The following KIAA0930 variants were observed in gnomAD, a reference collection of about 807,000 sequenced individuals.
KIAA0930 encodes the protein uncharacterized protein KIAA0930.
KIAA0930 carries 24 observed loss-of-function variants against 43.9 expected under a neutral mutation model. That is an observed-to-expected ratio of 0.55 (90% CI 0.40 to 0.77). KIAA0930 has a LOEUF of 0.77. Among genes scored for constraint, KIAA0930 ranks in the 30% least tolerant of loss-of-function variants. The probability of loss-of-function intolerance (pLI) is 0.00; values close to 1 mark genes in which losing one functional copy is unlikely to be tolerated. For synonymous variants in KIAA0930, 259 were observed against 216.4 expected (o/e 1.20, Z -1.73); for missense variants, 461 against 574.2 (o/e 0.80, Z 2.02).
At chr22:45,202,919 G>A (rs2083602009) in intron 7 of KIAA0930, 71 bp downstream of exon 7, 1 of 1,338,794 alleles carries the variant, frequency 7.5e-7, no homozygotes, top group East Asian at 2.4e-5. Context: ...AGGGGGCCGT[G>A]AGCACGGGGG....
intron 7 of KIAA0930, among the ~76,000 whole-genome samples, chr22:45,201,946 C>A (rs1319915983): frequency 6.6e-6 from 1 of 152,112 alleles, no homozygotes; most frequent in Non-Finnish European, 1.5e-5. Context: ...GCAGCTGCCA[C>A]CTGGGAATCC....
chr22:45,210,353 C>T (rs751644744), intron 2 of KIAA0930, among the ~76,000 whole-genome samples: 4 of 152,160 alleles, frequency 2.6e-5, no homozygotes, highest in Non-Finnish European at 5.9e-5. Context: ...GGAGTCCCTC[C>T]CCCAGAACTG....
At chr22:45,235,565 G>A (rs1385684702) in intron 1 of KIAA0930, among the ~76,000 whole-genome samples, 1 of 102,950 alleles carries the variant, frequency 9.7e-6, no homozygotes, top group Non-Finnish European at 2.5e-5. Flanking sequence ...TGCAGGGAGA[G>A]CTTCCGCATT....
intron 1 of KIAA0930, among the ~76,000 whole-genome samples, chr22:45,231,817 C>T (rs1272379137): frequency 1.3e-5 from 2 of 151,734 alleles, no homozygotes; most frequent in African/African-American, 4.9e-5. Context: ...ATGGTGAAAC[C>T]CCGTCTCTAC....
chr22:45,230,097 T>A lies in KIAA0930; in HGVS notation c.64+10543A>T, dbSNP rs377680983. Among the ~76,000 whole-genome samples the A allele has an allele frequency of 7.2e-5, 11 of 152,104 alleles. 1 individual carries two copies. The East Asian group carries it at 1.5e-3, about 21-fold the overall frequency. ...GGTGACAGTGACAGGAACAGCCACA[T>A]GGGGACATATGGGACAATGCAGGTG... On this transcript the variant is annotated intron_variant, in intron 1 of 9. Transcript: ENST00000336156.
At chr22:45,206,034 G>C in intron 2 of KIAA0930, 122 bp from the exon 3 acceptor site, 1 of 1,504,196 alleles carries the variant, frequency 6.6e-7, no homozygotes, top group Non-Finnish European at 8.9e-7. Flanking sequence ...ACTATTTTTT[G>C]AGACAGGGTC....
chr22:45,202,221 G>C (rs2083594997), intron 7 of KIAA0930, among the ~76,000 whole-genome samples: 1 of 152,262 alleles, frequency 6.6e-6, no homozygotes, highest in African/African-American at 2.4e-5. Flanking sequence ...GCTCTGGGCA[G>C]TCCCTCTGGA....
chr22:45,222,348 C>T (rs981259426), intron 1 of KIAA0930, among the ~76,000 whole-genome samples: 1 of 152,188 alleles, frequency 6.6e-6, no homozygotes, highest in Non-Finnish European at 1.5e-5. Context: ...CAGGGTCCCA[C>T]TCTGTCACCT....
At chr22:45,235,728 T>A (rs955073151) in intron 1 of KIAA0930, among the ~76,000 whole-genome samples, 1 of 152,220 alleles carries the variant, frequency 6.6e-6, no homozygotes, top group African/African-American at 2.4e-5. Context: ...ACCTGCCACG[T>A]CTCATTTACT....
intron 8 of KIAA0930, among the ~76,000 whole-genome samples, chr22:45,198,531 C>A (rs1393140042): frequency 6.6e-6 from 1 of 152,250 alleles, no homozygotes; most frequent in Non-Finnish European, 1.5e-5. Context: ...AGGTGGGACA[C>A]CCCTGCTTCT....
chr22:45,203,286 CG>C, intron 6 of KIAA0930, 102 bp from the exon 7 acceptor site: 5 of 1,222,556 alleles, frequency 4.1e-6, no homozygotes, highest in East Asian at 4.9e-5. Context: ...CCTCAAGGAG[CG>C]GGGGCTGCCC....
chr22:45,206,900 T>C (rs1316135583), intron 2 of KIAA0930, among the ~76,000 whole-genome samples: 3 of 152,100 alleles, frequency 2.0e-5, no homozygotes, highest in Non-Finnish European at 4.4e-5. Flanking sequence ...GATTTCACCA[T>C]GTTGGCCAGG....
At chr22:45,206,104 C>G (rs940206195) in intron 2 of KIAA0930, among the ~76,000 whole-genome samples, 192 bp from the exon 3 acceptor site, 14 of 152,218 alleles carry the variant, frequency 9.2e-5, no homozygotes, top group Admixed American at 2.0e-4. Flanking sequence ...TAGCCTCAAC[C>G]TCCTGGGCTC....
At chr22:45,230,642 C>T (rs970422478) in intron 1 of KIAA0930, among the ~76,000 whole-genome samples, 2 of 147,070 alleles carry the variant, frequency 1.4e-5, no homozygotes, top group East Asian at 2.0e-4. Flanking sequence ...AGTACAGTGG[C>T]GCAATCTTGG....
At chr22:45,235,443 G>C in intron 1 of KIAA0930, 1 of 152,314 alleles carries the variant, frequency 6.6e-6, no homozygotes, top group East Asian at 1.9e-4. Flanking sequence ...CCTTAAAATA[G>C]GCCCAGGAAC....
chr22:45,222,815 G>A (rs1210950493), intron 1 of KIAA0930, among the ~76,000 whole-genome samples: 3 of 151,830 alleles, frequency 2.0e-5, no homozygotes, highest in Non-Finnish European at 4.4e-5. Context: ...AAATATAAGT[G>A]GTTTTAGAAC....
At chr22:45,237,367 C>A (rs959336138) in intron 1 of KIAA0930, among the ~76,000 whole-genome samples, 7 of 146,690 alleles carry the variant, frequency 4.8e-5, no homozygotes, top group African/African-American at 1.7e-4. Flanking sequence ...CTCCCGCCCC[C>A]TCTCAGTACA....
chr22:45,223,813 T>C lies in KIAA0930; in HGVS notation c.65-11706A>G, dbSNP rs200259699. 2.1e-5 allele frequency among the ~76,000 whole-genome samples: 3 copies of C among 145,670 alleles called. No individual in the cohort carries two copies. In the East Asian group the frequency reaches 6.0e-4, roughly 29 times the overall value. On this transcript the variant is annotated intron_variant, in intron 1 of 9. Coordinates refer to ENST00000336156, the MANE Select transcript of KIAA0930 (RefSeq NM_001009880.2). ...GTCAGCACTGAGACAGCACCCAGGATCAGCACCAGATGAGCACCCAGGATC... is the reference window on the plus strand; with the variant it reads ...GTCAGCACTGAGACAGCACCCAGGACCAGCACCAGATGAGCACCCAGGATC...
At chr22:45,240,264 C>T (rs913243778) in intron 1 of KIAA0930, among the ~76,000 whole-genome samples, 1 of 152,364 alleles carries the variant, frequency 6.6e-6, no homozygotes, top group South Asian at 2.1e-4. Flanking sequence ...GTACCCAGAT[C>T]CCACGCCCAC....
Sources: gnomAD v4.1 joint callset for allele counts (sites outside exome capture counted in the v4.1 genomes callset) on GRCh38, gnomAD v4.1.1 for gene constraint, MANE v1.5 for transcripts, NCBI Gene and HGNC (gene_info 2026-07-23, HGNC 2026-07-21) for gene names.